The following PAK5 variants were observed in gnomAD, a reference collection of about 807,000 sequenced individuals.
The protein encoded by PAK5 is serine/threonine-protein kinase PAK 5.
A neutral mutation model predicts 65.9 loss-of-function variants in PAK5; 16 were observed. That is an observed-to-expected ratio of 0.24 (90% CI 0.16 to 0.37). PAK5 has a LOEUF of 0.37. Among genes scored for constraint, PAK5 ranks in the 10% least tolerant of loss-of-function variants. PAK5 has a pLI of 1.00. For missense variants in PAK5, 785 were observed against 903.9 expected (o/e 0.87, Z 1.69); for synonymous variants, 371 against 354.9 (o/e 1.05, Z -0.51).
chr20:9,809,916 C>T (rs1458608855), intron 1 of PAK5, among the ~76,000 whole-genome samples: 2 of 152,178 alleles, frequency 1.3e-5, no homozygotes, highest in Non-Finnish European at 2.9e-5. Context: ...AAGACTCTGG[C>T]CATAGGATTC....
intron 3 of PAK5, among the ~76,000 whole-genome samples, chr20:9,637,165 T>C (rs112343312): frequency 5.3e-5 from 8 of 152,112 alleles, no homozygotes; most frequent in African/African-American, 1.7e-4. Context: ...CATGCCTGGC[T>C]AATATTTTTT....
At position 9,637,406 on chromosome 20, in the gene PAK5, A is replaced by T. The variant is rs2046996450; in HGVS notation, c.204+6719T>A. Among the ~76,000 whole-genome samples, 3 of 152,200 alleles carry T rather than the reference A, an allele frequency of 2.0e-5. No homozygotes were observed. The South Asian group carries it at 6.2e-4, about 31-fold the overall frequency. On this transcript the variant is annotated intron_variant, in intron 3 of 9. Transcript: ENST00000353224. ...TTCTCCATTGTATACACAGGAAACG[A>T]GAGTTAAAAAAAGCAAACTTTAATT... is the stretch of plus-strand genomic sequence containing the variant.
chr20:9,744,779 A>G (rs2048487835), intron 1 of PAK5, among the ~76,000 whole-genome samples: 1 of 152,126 alleles, frequency 6.6e-6, no homozygotes, highest in Non-Finnish European at 1.5e-5. Context: ...TGGTTGACAC[A>G]CCCACAGCCC....
intron 1 of PAK5, among the ~76,000 whole-genome samples, chr20:9,768,587 A>T (rs1600350119): frequency 6.6e-6 from 1 of 152,172 alleles, no homozygotes; most frequent in East Asian, 1.9e-4. Context: ...GTTCTCAACC[A>T]GCCTGGCCAA....
In PAK5 at chr20:9,805,287, G is replaced by A. The variant is rs116652147; in HGVS notation, c.-162+33475C>T. Among the ~76,000 whole-genome samples, 1,280 of 152,194 alleles carry A rather than the reference G, an allele frequency of 8.4e-3. 11 individuals are homozygous for A. Among genetic ancestry groups the A allele is most frequent in the African/African-American group, 0.028 (1,152 of 41,536 alleles). On this transcript the variant is annotated intron_variant, in intron 1 of 9. Transcript: ENST00000353224. Reference sequence around the variant, plus strand: ...GGTGAATGTAAAATGAGAGTCTAAAGTACAGTCACTTTAGAAAACAGGACA... The same window carrying A: ...GGTGAATGTAAAATGAGAGTCTAAAATACAGTCACTTTAGAAAACAGGACA...
intron 3 of PAK5, among the ~76,000 whole-genome samples, chr20:9,592,085 T>A (rs1255254994): frequency 6.6e-6 from 1 of 152,176 alleles, no homozygotes; most frequent in Non-Finnish European, 1.5e-5. Context: ...GCAATCCAAG[T>A]CTTCCATATG....
At chr20:9,696,342 T>C (rs1183211834) in intron 2 of PAK5, among the ~76,000 whole-genome samples, 1 of 152,096 alleles carries the variant, frequency 6.6e-6, no homozygotes, top group Non-Finnish European at 1.5e-5. Context: ...TAGCAATCTG[T>C]GTTTCTGTGA....
Position 9,711,355 on chromosome 20 carries a change from C to T in PAK5, c.-81G>A, listed in dbSNP as rs918290994. On this transcript the variant is annotated 5_prime_UTR_variant, in exon 2 of 10. Transcript: ENST00000353224. ...TGGCTATTTCTATTCTGCAACTTTT[C>T]GCTGGTGCTTGTCAGTCTTCTTCAT... is the stretch of plus-strand genomic sequence containing the variant. 26 of 152,146 alleles carry T rather than the reference C, an allele frequency of 1.7e-4. No homozygotes were observed. The highest frequency in any genetic ancestry group is 2.1e-4 in the South Asian group (1 of 4,822). The allele number at this position is 152,146 out of a possible 1,614,324, so 9.4% of individuals were successfully genotyped here.
rs1400155824 is a variant in PAK5 at position 9,807,617 on chromosome 20, G to A, written c.-162+31145C>T. On this transcript the variant is annotated intron_variant, in intron 1 of 9. Coordinates refer to ENST00000353224, the MANE Select transcript of PAK5 (RefSeq NM_177990.4). ...TAAACTTACAAGTCAATGTGGCAGG[G>A]ATACTAAAAATTCCCCATTCCCTTC... Among the ~76,000 whole-genome samples, 4 of 152,004 alleles carry A rather than the reference G, an allele frequency of 2.6e-5. No individual in the cohort carries two copies. The East Asian group carries it at 5.8e-4, about 22-fold the overall frequency.
intron 1 of PAK5, among the ~76,000 whole-genome samples, chr20:9,725,899 A>G (rs1486364633): frequency 2.0e-5 from 3 of 152,198 alleles, no homozygotes; most frequent in African/African-American, 4.8e-5. Flanking sequence ...ACAAATAACA[A>G]ATTATGACTC....
chr20:9,698,158 T>A (rs572286927), intron 2 of PAK5, among the ~76,000 whole-genome samples: 1 of 152,290 alleles, frequency 6.6e-6, no homozygotes, highest in South Asian at 2.1e-4. Context: ...GAAACCTTTC[T>A]GAGAATAAGA....
intron 3 of PAK5, among the ~76,000 whole-genome samples, chr20:9,639,966 G>A (rs533722117): frequency 1.6e-4 from 24 of 152,320 alleles, no homozygotes; most frequent in African/African-American, 4.8e-4. Flanking sequence ...GTGAAAAACC[G>A]TGGTGAAGTA....
chr20:9,699,830 T>C lies in PAK5; in HGVS notation c.-12+11456A>G, dbSNP rs192001642. On this transcript the variant is annotated intron_variant, in intron 2 of 9. Transcript: ENST00000353224. ...TGCATTTGTGATGGAGATGTCTCAG[T>C]TGGTGAAGGGTTGGAAGGGTGGACC... Among the ~76,000 whole-genome samples the C allele has an allele frequency of 4.0e-3, 611 of 152,218 alleles. 8 individuals are homozygous for C. Among genetic ancestry groups the C allele is most frequent in the South Asian group, 4.6e-3 (22 of 4,814 alleles).
intron 7 of PAK5, among the ~76,000 whole-genome samples, chr20:9,550,651 T>C (rs1481467450): frequency 6.6e-6 from 1 of 152,124 alleles, no homozygotes; most frequent in African/African-American, 2.4e-5. Context: ...TTAAAATAGA[T>C]ATTTTTAAAA....
chr20:9,690,769 T>TTTTTG (rs2047784876), intron 2 of PAK5, among the ~76,000 whole-genome samples: 1 of 141,210 alleles, frequency 7.1e-6, no homozygotes. Flanking sequence ...TTTTTTTTTT[T>TTTTTG]TTGAGAAGGA....
At chr20:9,748,943 T>G (rs1456387204) in intron 1 of PAK5, among the ~76,000 whole-genome samples, 1 of 152,152 alleles carries the variant, frequency 6.6e-6, no homozygotes, top group East Asian at 1.9e-4. Flanking sequence ...CTCAGAAGTT[T>G]CTCTCGTGCC....
At chr20:9,632,807 T>C (rs1411966591) in intron 3 of PAK5, among the ~76,000 whole-genome samples, 2 of 152,324 alleles carry the variant, frequency 1.3e-5, no homozygotes, top group Admixed American at 1.3e-4. Context: ...TTAGCATCGT[T>C]TATGCACATA....
At chr20:9,714,881 T>C (rs1266729467) in intron 1 of PAK5, among the ~76,000 whole-genome samples, 1 of 152,146 alleles carries the variant, frequency 6.6e-6, no homozygotes, top group East Asian at 1.9e-4. Flanking sequence ...TTACACCTTA[T>C]ACAAAAATTA....
intron 3 of PAK5, among the ~76,000 whole-genome samples, chr20:9,602,351 CAGTA>C (rs1190156310): frequency 6.6e-6 from 1 of 151,264 alleles, no homozygotes; most frequent in Non-Finnish European, 1.5e-5. Flanking sequence ...AAATAAACTC[CAGTA>C]ATGTCTGAAT....
Sources: gnomAD v4.1 joint callset for allele counts (sites outside exome capture counted in the v4.1 genomes callset) on GRCh38, gnomAD v4.1.1 for gene constraint, MANE v1.5 for transcripts, NCBI Gene and HGNC (gene_info 2026-07-23, HGNC 2026-07-21) for gene names.